The following OPCML variants were observed in gnomAD, a reference collection of about 807,000 sequenced individuals.
OPCML encodes opioid binding protein/cell adhesion molecule like.
A neutral mutation model predicts 37.8 loss-of-function variants in OPCML; 13 were observed. The ratio of observed to expected loss-of-function variants is 0.34; its 90% CI spans 0.22 to 0.55. OPCML has a LOEUF of 0.55. Among genes scored for constraint, OPCML ranks in the 20% least tolerant of loss-of-function variants. The pLI, the probability that OPCML is intolerant of heterozygous loss-of-function variation, is 0.91. For missense variants in OPCML, 341 were observed against 435.6 expected, an observed-to-expected ratio of 0.78 and a Z score of 1.93; for synonymous variants, 176 against 168.8, an observed-to-expected ratio of 1.04 and a Z score of -0.33.
intron 2 of OPCML, among the ~76,000 whole-genome samples, chr11:132,817,457 C>T (rs1449444074): frequency 1.3e-5 from 2 of 152,022 alleles, no homozygotes; most frequent in Non-Finnish European, 2.9e-5. Flanking sequence ...GTTTTCATGG[C>T]TTCTTTTTTT....
At chr11:133,016,195 C>G (rs1268739804) in intron 1 of OPCML, among the ~76,000 whole-genome samples, 2 of 152,140 alleles carry the variant, frequency 1.3e-5, no homozygotes, top group Non-Finnish European at 2.9e-5. Flanking sequence ...TCAGAAGCCC[C>G]GTGGGCTCGG....
At chr11:133,350,120 T>C (rs982397231) in intron 1 of OPCML, among the ~76,000 whole-genome samples, 1 of 152,232 alleles carries the variant, frequency 6.6e-6, no homozygotes, top group Admixed American at 6.5e-5. Flanking sequence ...TCTCAGTCAC[T>C]GCAGCAATGA....
intron 3 of OPCML, among the ~76,000 whole-genome samples, chr11:132,593,093 G>A (rs988008191): frequency 2.0e-5 from 3 of 152,202 alleles, no homozygotes; most frequent in Non-Finnish European, 2.9e-5. Flanking sequence ...AGGAGTATGA[G>A]GTATCTGAAG....
chr11:133,036,768 T>C (rs1208002232), intron 1 of OPCML, among the ~76,000 whole-genome samples: 1 of 152,218 alleles, frequency 6.6e-6, no homozygotes, highest in African/African-American at 2.4e-5. Flanking sequence ...ACATTCTGCA[T>C]TCAGAAAAGA....
intron 2 of OPCML, among the ~76,000 whole-genome samples, chr11:132,702,755 T>C (rs922022860): frequency 1.2e-4 from 19 of 152,100 alleles, no homozygotes; most frequent in African/African-American, 4.6e-4. Flanking sequence ...ACTCTTTTTT[T>C]TTCTTTTTGT....
At chr11:133,414,549 A>G (rs1366070070) in intron 1 of OPCML, among the ~76,000 whole-genome samples, 1 of 152,134 alleles carries the variant, frequency 6.6e-6, no homozygotes, top group Non-Finnish European at 1.5e-5. Flanking sequence ...TAAACTGAAA[A>G]TCACTGTCCT....
chr11:133,524,363 T>C (rs1376788055), intron 1 of OPCML, among the ~76,000 whole-genome samples: 1 of 152,220 alleles, frequency 6.6e-6, no homozygotes, highest in Non-Finnish European at 1.5e-5. Context: ...CGTTTAAGCA[T>C]TGATTGACCA....
chr11:132,800,891 T>C (rs1371995002), intron 2 of OPCML, among the ~76,000 whole-genome samples: 1 of 152,194 alleles, frequency 6.6e-6, no homozygotes, highest in Non-Finnish European at 1.5e-5. Context: ...TTTTTGGTGT[T>C]AGAGTAATAA....
chr11:133,157,172 A>G (rs1009690067), intron 1 of OPCML, among the ~76,000 whole-genome samples: 1 of 152,324 alleles, frequency 6.6e-6, no homozygotes, highest in East Asian at 1.9e-4. Flanking sequence ...TTGCTGAAGG[A>G]CAAGAAAAAG....
At chr11:132,663,779 T>C (rs574831278) in intron 2 of OPCML, among the ~76,000 whole-genome samples, 1 of 152,336 alleles carries the variant, frequency 6.6e-6, no homozygotes, top group South Asian at 2.1e-4. Context: ...CAGCAGTCAG[T>C]GCCACATCCA....
intron 7 of OPCML, among the ~76,000 whole-genome samples, chr11:132,435,812 T>C: frequency 6.6e-6 from 1 of 152,260 alleles, no homozygotes; most frequent in East Asian, 1.9e-4. Context: ...CTATCTTCTT[T>C]ATACAAAAAC....
chr11:132,857,173 T>C (rs1942088116), intron 2 of OPCML, among the ~76,000 whole-genome samples: 1 of 152,224 alleles, frequency 6.6e-6, no homozygotes. Context: ...TTGTAGCTCT[T>C]CTATGGTTGT....
At chr11:133,001,804 G>A (rs1236025783) in intron 1 of OPCML, among the ~76,000 whole-genome samples, 1 of 152,168 alleles carries the variant, frequency 6.6e-6, no homozygotes, top group Non-Finnish European at 1.5e-5. Flanking sequence ...GGAACTCTAG[G>A]TGCACCCATG....
intron 1 of OPCML, among the ~76,000 whole-genome samples, chr11:133,256,633 A>G (rs1941319014): frequency 6.6e-6 from 1 of 152,192 alleles, no homozygotes; most frequent in Non-Finnish European, 1.5e-5. Flanking sequence ...ATTTATTACA[A>G]TTTAGTGTAG....
intron 3 of OPCML, among the ~76,000 whole-genome samples, chr11:132,600,839 C>CTTTTTTTT (rs145586468): frequency 2.4e-4 from 23 of 94,542 alleles, no homozygotes; most frequent in African/African-American, 5.3e-4. Context: ...AAATAGTTAA[C>CTTTTTTTT]TTTTTTTTTT....
intron 1 of OPCML, among the ~76,000 whole-genome samples, chr11:133,249,975 G>T (rs1039195787): frequency 6.6e-6 from 1 of 152,200 alleles, no homozygotes; most frequent in African/African-American, 2.4e-5. Context: ...CCATGAGCTT[G>T]GGAAATTCCA....
intron 1 of OPCML, among the ~76,000 whole-genome samples, chr11:133,487,484 CCAAA>C (rs1442018608): frequency 6.6e-5 from 10 of 152,148 alleles, no homozygotes; most frequent in Admixed American, 3.3e-4. Flanking sequence ...AATATACCAT[CCAAA>C]CAGACTTCCT....
chr11:132,442,905 A>T (rs1444391405), intron 4 of OPCML, among the ~76,000 whole-genome samples: 1 of 152,188 alleles, frequency 6.6e-6, no homozygotes, highest in Non-Finnish European at 1.5e-5. Context: ...TGTCTTTATT[A>T]GCAGCGTAAG....
At chr11:133,197,898 T>C (rs772256575) in intron 1 of OPCML, among the ~76,000 whole-genome samples, 1 of 152,110 alleles carries the variant, frequency 6.6e-6, no homozygotes, top group Non-Finnish European at 1.5e-5. Context: ...GGGACGTTCA[T>C]AGCCTGAAAA....
Sources: gnomAD v4.1 joint callset for allele counts (sites outside exome capture counted in the v4.1 genomes callset) on GRCh38, gnomAD v4.1.1 for gene constraint, MANE v1.5 for transcripts, NCBI Gene and HGNC (gene_info 2026-07-23, HGNC 2026-07-21) for gene names.